ADCY2: variants seen among roughly 807,000 people sequenced by gnomAD.
ADCY2 encodes the protein adenylate cyclase 2.
Under a neutral mutation model 125.2 loss-of-function variants are expected in ADCY2, and 31 were observed. That is an observed-to-expected ratio of 0.25 (90% confidence interval 0.19 to 0.33). ADCY2 has a LOEUF of 0.33. ADCY2 is among the 10% of genes least tolerant of loss of function. The probability of loss-of-function intolerance (pLI) is 1.00; values close to 1 mark genes in which losing one functional copy is unlikely to be tolerated. For missense variants in ADCY2, 904 were observed against 1,418.2 expected, an observed-to-expected ratio of 0.64 and a Z score of 5.82; for synonymous variants, 512 against 548.4, an observed-to-expected ratio of 0.93 and a Z score of 0.93.
At chr5:7,666,359 C>T (rs915608742) in intron 4 of ADCY2, among the ~76,000 whole-genome samples, 1 of 152,038 alleles carries the variant, frequency 6.6e-6, no homozygotes, top group Admixed American at 6.5e-5. Context: ...AGCTCAGCCT[C>T]CCAGGTTCAC....
chr5:7,596,975 C>A (rs1737026462), intron 3 of ADCY2, among the ~76,000 whole-genome samples: 1 of 152,146 alleles, frequency 6.6e-6, no homozygotes, highest in Non-Finnish European at 1.5e-5. Flanking sequence ...GAAAGGGAGT[C>A]CAGGAAAACT....
intron 4 of ADCY2, among the ~76,000 whole-genome samples, chr5:7,686,633 A>G (rs1579315583): frequency 6.6e-6 from 1 of 152,232 alleles, no homozygotes; most frequent in East Asian, 1.9e-4. Flanking sequence ...GAATTTCTCC[A>G]ACAAACTTGG....
At chr5:7,660,237 A>AGG (rs1579287832) in intron 4 of ADCY2, among the ~76,000 whole-genome samples, 15 of 135,846 alleles carry the variant, frequency 1.1e-4, no homozygotes, top group East Asian at 9.6e-4. Flanking sequence ...GGAGGGAGGG[A>AGG]GAGAAGGAAG....
chr5:7,533,119 A>G (rs1459932645), intron 3 of ADCY2, among the ~76,000 whole-genome samples: 1 of 150,436 alleles, frequency 6.6e-6, no homozygotes, highest in Non-Finnish European at 1.5e-5. Context: ...ACATATATAC[A>G]TATATGCATA....
chr5:7,547,613 G>T (rs903922912), intron 3 of ADCY2, among the ~76,000 whole-genome samples: 1 of 152,172 alleles, frequency 6.6e-6, no homozygotes. Flanking sequence ...CTGTCTCCTT[G>T]TTCCCTGTGT....
intron 2 of ADCY2, among the ~76,000 whole-genome samples, chr5:7,515,368 T>TCCA (rs1291703078): frequency 6.6e-6 from 1 of 152,166 alleles, no homozygotes; most frequent in Non-Finnish European, 1.5e-5. Flanking sequence ...ATCTTATGTT[T>TCCA]TGGGGTAGGC....
chr5:7,662,317 T>C (rs1739560412), intron 4 of ADCY2, among the ~76,000 whole-genome samples: 2 of 152,224 alleles, frequency 1.3e-5, no homozygotes, highest in African/African-American at 2.4e-5. Flanking sequence ...CAAGGGACCA[T>C]TGGCGAATAT....
chr5:7,497,869 C>A (rs1743395865), intron 2 of ADCY2, among the ~76,000 whole-genome samples: 1 of 152,046 alleles, frequency 6.6e-6, no homozygotes, highest in Non-Finnish European at 1.5e-5. Flanking sequence ...GACTGAAGGA[C>A]CAGAATTATC....
intron 15 of ADCY2, among the ~76,000 whole-genome samples, chr5:7,745,522 C>T (rs999320716): frequency 1.3e-5 from 2 of 152,138 alleles, no homozygotes; most frequent in South Asian, 2.1e-4. Context: ...GAATCCACTC[C>T]GAAAGGCCCT....
intron 2 of ADCY2, among the ~76,000 whole-genome samples, chr5:7,492,364 G>A (rs1393863370): frequency 1.3e-5 from 2 of 152,182 alleles, no homozygotes; most frequent in Admixed American, 6.5e-5. Flanking sequence ...CAATCTTTTG[G>A]GGGCATTGGA....
chr5:7,655,500 G>C (rs1739289276), intron 4 of ADCY2, among the ~76,000 whole-genome samples: 1 of 152,210 alleles, frequency 6.6e-6, no homozygotes, highest in South Asian at 2.1e-4. Context: ...CTGAAGCCAG[G>C]AGGCTGGAAG....
At chr5:7,533,092 T>C (rs1404293112) in intron 3 of ADCY2, among the ~76,000 whole-genome samples, 1 of 149,936 alleles carries the variant, frequency 6.7e-6, no homozygotes, top group African/African-American at 2.4e-5. Context: ...TATATGTATA[T>C]ATACATGTAT....
chr5:7,562,014 G>A (rs1735724607), intron 3 of ADCY2, among the ~76,000 whole-genome samples: 2 of 152,072 alleles, frequency 1.3e-5, no homozygotes, highest in Admixed American at 6.6e-5. Flanking sequence ...ATGTATGTAG[G>A]CCTTATAGAT....
chr5:7,508,810 G>A (rs573183748), intron 2 of ADCY2, among the ~76,000 whole-genome samples: 7 of 152,184 alleles, frequency 4.6e-5, no homozygotes, highest in Admixed American at 1.3e-4. Flanking sequence ...TTGTGTTTTC[G>A]TCCTCATGTT....
intron 4 of ADCY2, among the ~76,000 whole-genome samples, chr5:7,684,800 G>A (rs1313551828): frequency 7.1e-6 from 1 of 140,688 alleles, no homozygotes; most frequent in Non-Finnish European, 1.5e-5. Flanking sequence ...GTCAAAACAT[G>A]TTTAAATCTA....
intron 15 of ADCY2, among the ~76,000 whole-genome samples, chr5:7,747,866 A>G (rs1742678654): frequency 1.3e-5 from 2 of 152,214 alleles, no homozygotes; most frequent in South Asian, 4.1e-4. Context: ...TAAATATTTA[A>G]TATCAATCTG....
chr5:7,477,189 G>A (rs985911387), intron 2 of ADCY2, among the ~76,000 whole-genome samples: 1 of 62,886 alleles, frequency 1.6e-5, no homozygotes, highest in Non-Finnish European at 3.1e-5. Context: ...TTTGCAGAAA[G>A]GACTTGATGT....
At chr5:7,790,647 A>G (rs1744223481) in intron 20 of ADCY2, among the ~76,000 whole-genome samples, 1 of 152,214 alleles carries the variant, frequency 6.6e-6, no homozygotes, top group African/African-American at 2.4e-5. Flanking sequence ...ACAGGTCTCA[A>G]TCAAGTTAGA....
chr5:7,531,940 A>T (rs1360126395), intron 3 of ADCY2, among the ~76,000 whole-genome samples: 1 of 152,202 alleles, frequency 6.6e-6, no homozygotes. Context: ...TCCATGGGTT[A>T]TTGCAGACTG....
Sources: allele counts gnomAD v4.1 joint callset (sites outside exome capture counted in the v4.1 genomes callset), GRCh38; gene constraint gnomAD v4.1.1; transcripts MANE v1.5; gene names NCBI Gene and HGNC (gene_info 2026-07-23, HGNC 2026-07-21).